Variants in ZNF644 observed in about 807,000 individuals in gnomAD.
ZNF644 encodes the protein zinc finger motif enhancer binding protein 2.
ZNF644 carries 20 observed loss-of-function variants against 108.0 expected under a neutral mutation model. The ratio of observed to expected loss-of-function variants is 0.19; its 90% CI spans 0.13 to 0.27. The LOEUF (loss-of-function observed/expected upper bound fraction) is 0.27. ZNF644 is among the 10% of genes least tolerant of loss of function. ZNF644 has a pLI of 1.00. For missense variants in ZNF644, 1,338 were observed against 1,548.9 expected (o/e 0.86, Z 2.29); for synonymous variants, 542 against 539.1 (o/e 1.01, Z -0.08).
At chr1:91,014,686 C>T (rs1266750283) in intron 1 of ZNF644, among the ~76,000 whole-genome samples, 1 of 151,838 alleles carries the variant, frequency 6.6e-6, no homozygotes. Flanking sequence ...GCAGCCAAGA[C>T]AAAGAGCCTT....
intron 2 of ZNF644, among the ~76,000 whole-genome samples, chr1:90,965,913 C>A (rs780440898): frequency 1.4e-4 from 22 of 152,074 alleles, no homozygotes; most frequent in Non-Finnish European, 2.5e-4. Context: ...CCACACCCAG[C>A]TAATTTTTTG....
At chr1:90,930,337 C>T (rs1432206036) in intron 4 of ZNF644, among the ~76,000 whole-genome samples, 1 of 152,110 alleles carries the variant, frequency 6.6e-6, no homozygotes, top group Non-Finnish European at 1.5e-5. Context: ...AAGCCCCTCC[C>T]AAATATAAAA....
chr1:90,962,532 C>T (rs1654437587), intron 2 of ZNF644, among the ~76,000 whole-genome samples: 1 of 151,840 alleles, frequency 6.6e-6, no homozygotes. Flanking sequence ...ACATAATAAA[C>T]AATATACAAA....
intron 4 of ZNF644, chr1:90,935,339 C>T (rs1197407589): frequency 1.0e-6 from 1 of 983,614 alleles, no homozygotes; most frequent in Non-Finnish European, 1.2e-6. Flanking sequence ...TGAATTAACA[C>T]CAGTCTGGTG....
At chr1:90,971,016 A>C (rs569288915) in intron 2 of ZNF644, among the ~76,000 whole-genome samples, 4 of 151,302 alleles carry the variant, frequency 2.6e-5, no homozygotes, top group African/African-American at 9.7e-5. Context: ...AAAAAAAAAA[A>C]AACACTATCA....
intron 1 of ZNF644, among the ~76,000 whole-genome samples, chr1:91,010,297 G>A (rs993766345): frequency 2.0e-5 from 3 of 146,992 alleles, no homozygotes; most frequent in African/African-American, 7.6e-5. Flanking sequence ...TGAGTGCAGT[G>A]GCACAATCTC....
chr1:90,965,116 A>G (rs1194347688), intron 2 of ZNF644, among the ~76,000 whole-genome samples: 2 of 152,200 alleles, frequency 1.3e-5, no homozygotes, highest in African/African-American at 4.8e-5. Context: ...TGCTAGGATA[A>G]CAGAAAAAGC....
At chr1:90,927,203 T>C (rs959047021) in intron 4 of ZNF644, among the ~76,000 whole-genome samples, 2 of 152,080 alleles carry the variant, frequency 1.3e-5, no homozygotes, top group African/African-American at 4.8e-5. Flanking sequence ...TTCCACAGTA[T>C]TTCACGCATA....
At chr1:90,948,783 C>A (rs368058837) in intron 2 of ZNF644, among the ~76,000 whole-genome samples, 4 of 152,140 alleles carry the variant, frequency 2.6e-5, no homozygotes, top group South Asian at 2.1e-4. Flanking sequence ...ACCAACAGAA[C>A]CCTTACCAGC....
chr1:90,986,037 A>T (rs1392112660), intron 1 of ZNF644, among the ~76,000 whole-genome samples: 1 of 151,988 alleles, frequency 6.6e-6, no homozygotes, highest in Admixed American at 6.6e-5. Context: ...GATAGAAAGT[A>T]TTTTAAAATC....
At chr1:90,948,876 A>G (rs1652798171) in intron 2 of ZNF644, among the ~76,000 whole-genome samples, 1 of 152,220 alleles carries the variant, frequency 6.6e-6, no homozygotes. Flanking sequence ...TCAAATTCAA[A>G]GGTTCACAGA....
intron 2 of ZNF644, among the ~76,000 whole-genome samples, chr1:90,977,575 C>T (rs1656137563): frequency 6.6e-6 from 1 of 152,148 alleles, no homozygotes; most frequent in Admixed American, 6.5e-5. Flanking sequence ...ACCAATTAGA[C>T]TAGCAAGGAT....
intron 1 of ZNF644, among the ~76,000 whole-genome samples, chr1:91,007,859 A>T (rs1333640468): frequency 2.0e-5 from 3 of 152,130 alleles, no homozygotes; most frequent in African/African-American, 7.2e-5. Flanking sequence ...TATTAAGGTT[A>T]TCCTCAAATG....
intron 4 of ZNF644, among the ~76,000 whole-genome samples, chr1:90,930,192 A>G (rs1353458242): frequency 1.3e-5 from 2 of 152,192 alleles, no homozygotes; most frequent in Non-Finnish European, 2.9e-5. Context: ...AGGCTGAGCC[A>G]GGAGAATCAC....
intron 4 of ZNF644, among the ~76,000 whole-genome samples, chr1:90,936,683 GA>G (rs1651354098): frequency 6.6e-6 from 1 of 152,022 alleles, no homozygotes; most frequent in Non-Finnish European, 1.5e-5. Flanking sequence ...AAGAAATCTA[GA>G]AAAAACACTT....
intron 1 of ZNF644, among the ~76,000 whole-genome samples, chr1:90,990,184 GAC>G (rs1349725923): frequency 6.6e-6 from 1 of 152,174 alleles, no homozygotes; most frequent in Non-Finnish European, 1.5e-5. Flanking sequence ...GTGTTTAACA[GAC>G]ACAGAGTTTC....
At chr1:90,946,317 T>G (rs1652514190) in intron 2 of ZNF644, among the ~76,000 whole-genome samples, 1 of 151,996 alleles carries the variant, frequency 6.6e-6, no homozygotes, top group Non-Finnish European at 1.5e-5. Context: ...AGAACACTTG[T>G]AAGGGTGTCC....
intron 1 of ZNF644, among the ~76,000 whole-genome samples, chr1:90,984,728 C>T (rs1015920804): frequency 1.3e-5 from 2 of 152,144 alleles, no homozygotes; most frequent in African/African-American, 4.8e-5. Flanking sequence ...AAGGTATGCA[C>T]ACACAGAGGG....
At position 90,938,514 on chromosome 1, in the gene ZNF644, G is replaced by T; in HGVS notation, c.2840C>A (p.Ser947Ter). The change falls in exon 3 of 6, where the codon TCA (serine) becomes TAA (stop). Residue 947 changes from serine (S) to a stop codon, truncating the protein, a stop_gained. Coordinates refer to ENST00000337393, the MANE Select transcript of ZNF644 (RefSeq NM_201269.3). LOFTEE classifies it high-confidence loss of function. The surrounding 1 kb of genome is among the most constrained non-coding windows in gnomAD (Gnocchi z 4.2). ...QHLETADASLSKHSSVFHWTD... is the reference protein window; with the variant it reads ...QHLETADASL ...CCAATGAAAAACAGAACTATGCTTTGACAATGAAGCATCTGCAGTTTCTAA... is the reference window on the plus strand; with the variant it reads ...CCAATGAAAAACAGAACTATGCTTTTACAATGAAGCATCTGCAGTTTCTAA... The T allele has an allele frequency of 6.2e-7, 1 of 1,613,916 alleles. No individual in the cohort carries two copies. The highest frequency in any genetic ancestry group is 8.5e-7 in the Non-Finnish European group (1 of 1,179,902).
Sources: gnomAD v4.1 joint callset for allele counts (sites outside exome capture counted in the v4.1 genomes callset) on GRCh38, gnomAD v4.1.1 for gene constraint, Gnocchi (gnomAD v3.1) non-coding constraint, MANE v1.5 for transcripts, NCBI Gene and HGNC (gene_info 2026-07-23, HGNC 2026-07-21) for gene names.